Variants in BRD9 observed in about 807,000 individuals in gnomAD.
The protein encoded by BRD9 is bromodomain-containing protein 9.
Under a neutral mutation model 68.7 loss-of-function variants are expected in BRD9, and 47 were observed. The observed-to-expected ratio is 0.68, with a 90% confidence interval of 0.54 to 0.87. The LOEUF (loss-of-function observed/expected upper bound fraction) is 0.87, where lower values mean the gene tolerates loss of function less well. BRD9 is among the 40% of genes least tolerant of loss of function. BRD9 has a pLI of 0.00. For missense variants in BRD9, 670 were observed against 748.4 expected, an observed-to-expected ratio of 0.90 and a Z score of 1.22; for synonymous variants, 313 against 293.9, an observed-to-expected ratio of 1.06 and a Z score of -0.67.
At chr5:887,569 A>G (rs1752749806) in intron 5 of BRD9, 98 bp from the exon 6 acceptor site, 2 of 908,330 alleles carry the variant, frequency 2.2e-6, no homozygotes, top group East Asian at 2.4e-5. Context: ...AAAAGCTACA[A>G]TCGAGTAGAA....
chr5:878,205 G>A, intron 11 of BRD9, 150 bp downstream of exon 11: 1 of 1,137,230 alleles, frequency 8.8e-7, no homozygotes, highest in South Asian at 1.5e-5. Context: ...CTGTGTGGAT[G>A]ACTGAAAGCA....
At chr5:870,689 C>A in intron 13 of BRD9, 114 bp from the exon 14 acceptor site, 1 of 731,792 alleles carries the variant, frequency 1.4e-6, no homozygotes, top group Non-Finnish European at 2.3e-6. Context: ...GAACCCACCC[C>A]TCAGTAAGTG....
intron 14 of BRD9, among the ~76,000 whole-genome samples, chr5:867,701 G>A (rs913374906): frequency 6.6e-6 from 1 of 152,252 alleles, no homozygotes; most frequent in Non-Finnish European, 1.5e-5. Flanking sequence ...TGTTTTGGCT[G>A]ATTTCTCCCT....
chr5:876,223 C>G lies in BRD9; in HGVS notation c.1272-11G>C, dbSNP rs758788188. 1 of 1,606,080 alleles carries G rather than the reference C, an allele frequency of 6.2e-7. No individual in the cohort carries two copies. Among genetic ancestry groups the G allele is most frequent in the Non-Finnish European group, 8.5e-7 (1 of 1,173,382 alleles). The stretch of plus-strand genomic sequence containing the variant: ...ACAAACTCCTGCAGGCTAGAGGGGC[C>G]GCGGGAGAAGGTACGCTGAAAGGAG... On this transcript the variant is annotated splice_polypyrimidine_tract_variant and intron_variant, in intron 11 of 15. Transcript: ENST00000467963.
chr5:875,477 A>G (rs556977165), intron 12 of BRD9, among the ~76,000 whole-genome samples: 1 of 151,906 alleles, frequency 6.6e-6, no homozygotes, highest in East Asian at 1.9e-4. Flanking sequence ...CCTCCCGAGT[A>G]GCTGGGACTA....
chr5:867,957 TAC>T (rs1319794037), intron 14 of BRD9, among the ~76,000 whole-genome samples: 1 of 152,248 alleles, frequency 6.6e-6, no homozygotes, highest in Non-Finnish European at 1.5e-5. Flanking sequence ...GGCAGAATGA[TAC>T]AGTTTGGCTC....
chr5:876,799 G>A (rs1751008393), intron 11 of BRD9, among the ~76,000 whole-genome samples: 1 of 152,218 alleles, frequency 6.6e-6, no homozygotes, highest in Non-Finnish European at 1.5e-5. Context: ...TCACAGAGAG[G>A]AACAAGGATG....
intron 8 of BRD9, among the ~76,000 whole-genome samples, chr5:882,783 C>T (rs1457455054): frequency 1.3e-5 from 2 of 151,238 alleles, no homozygotes; most frequent in Non-Finnish European, 2.9e-5. Context: ...ACGAGCCACG[C>T]AAACCACAGC....
At position 864,445 on chromosome 5, in the gene BRD9, A is replaced by G. The variant is rs1447143573; in HGVS notation, c.*23T>C. 2 of 1,533,354 alleles carry G rather than the reference A, an allele frequency of 1.3e-6. No homozygotes were observed. The highest frequency in any genetic ancestry group is 2.3e-5 in the East Asian group (1 of 44,070). 95.0% of individuals were successfully genotyped at this position (1,533,354 alleles called of 1,614,324 possible). ...AAAATAAAACTAAAAAAATAAAATA[A>G]AAGAGCTGAAGGTGGTCTAGAGTTA... On this transcript the variant is annotated 3_prime_UTR_variant, in exon 16 of 16. Transcript: ENST00000467963.
At chr5:887,536 T>A (rs1752743950) in intron 5 of BRD9, 65 bp from the exon 6 acceptor site, 6 of 1,263,274 alleles carry the variant, frequency 4.7e-6, no homozygotes. Context: ...AAGCTCTAGA[T>A]GACTACCAAG....
intron 3 of BRD9, among the ~76,000 whole-genome samples, 194 bp downstream of exon 3, chr5:890,961 G>C (rs1349312393): frequency 6.6e-6 from 1 of 152,142 alleles, no homozygotes; most frequent in Admixed American, 6.5e-5. Flanking sequence ...AGTGGTAACT[G>C]GCCACGCCTT....
intron 10 of BRD9, chr5:878,823 A>G (rs1466179108): frequency 1.9e-4 from 64 of 335,204 alleles, no homozygotes; most frequent in South Asian, 4.7e-4. Context: ...CACACACCGC[A>G]GGGACCACGC....
At chr5:869,160 C>CGGAT (rs199560160) in intron 14 of BRD9, 6,964 of 359,742 alleles carry the variant, frequency 0.019, 100 homozygotes, top group Non-Finnish European at 0.028. Context: ...ATGGACTGAA[C>CGGAT]GGATTCCCAC....
At chr5:866,020 G>C (rs985722196) in intron 14 of BRD9, 1 of 157,050 alleles carries the variant, frequency 6.4e-6, no homozygotes, top group Non-Finnish European at 1.4e-5. Context: ...ACAGCCATCG[G>C]GGACCCAGCA....
chr5:864,363 C>T lies in BRD9; in HGVS notation c.*105G>A, dbSNP rs1749030302. ...ATTACCTCCCCGCGGCTGCTTCCCG[C>T]ATGCCAAAGGGGACAGGATCAAAGT... On this transcript the variant is annotated 3_prime_UTR_variant, in exon 16 of 16. Transcript: ENST00000467963. 4 of 954,302 alleles carry T rather than the reference C, an allele frequency of 4.2e-6. No homozygotes were observed. Among genetic ancestry groups the T allele is most frequent in the African/African-American group, 1.7e-5 (1 of 59,978 alleles). 59.1% of individuals were successfully genotyped at this position (954,302 alleles called of 1,614,324 possible).
At chr5:886,848 A>T (rs1209903193) in intron 6 of BRD9, 141 bp from the exon 7 acceptor site, 15 of 1,444,106 alleles carry the variant, frequency 1.0e-5, no homozygotes, top group Non-Finnish European at 1.3e-5. Flanking sequence ...TGGGATGGGG[A>T]TGGTCACAGC....
chr5:875,089 A>G (rs186018951), intron 12 of BRD9, among the ~76,000 whole-genome samples: 2 of 152,364 alleles, frequency 1.3e-5, no homozygotes. Flanking sequence ...AATCACTGAT[A>G]AAGAAAGATA....
chr5:872,222 G>A (rs898697155), intron 12 of BRD9, among the ~76,000 whole-genome samples: 1 of 152,228 alleles, frequency 6.6e-6, no homozygotes, highest in Non-Finnish European at 1.5e-5. Context: ...ATCTTTGTTC[G>A]AAATAATGTT....
At position 892,442 on chromosome 5, in the gene BRD9, C is replaced by T. The variant is rs1753592110; in HGVS notation, c.52+164G>A. ...CTACCCAGGACCCCTCACGTGTGCC[C>T]GGTTCCCTGCCCGAAATCCCAGGAC... On this transcript the variant is annotated intron_variant, in intron 1 of 15. Coordinates refer to ENST00000467963, the MANE Select transcript of BRD9 (RefSeq NM_023924.5). 4 of 1,404,562 alleles carry T rather than the reference C, an allele frequency of 2.8e-6. No individual in the cohort carries two copies. In the East Asian group the frequency reaches 1.2e-4, roughly 41 times the overall value. The allele number at this position is 1,404,562 out of a possible 1,614,324, so 87.0% of individuals were successfully genotyped here.
Sources: allele counts gnomAD v4.1 joint callset (sites outside exome capture counted in the v4.1 genomes callset), GRCh38; gene constraint gnomAD v4.1.1; transcripts MANE v1.5; gene names NCBI Gene and HGNC (gene_info 2026-07-23, HGNC 2026-07-21).